HSD17B12: variants seen among roughly 807,000 people sequenced by gnomAD.
HSD17B12 encodes the protein hydroxysteroid 17-beta dehydrogenase 12, also known as very-long-chain 3-oxoacyl-CoA reductase.
HSD17B12 carries 32 observed loss-of-function variants against 39.3 expected under a neutral mutation model. The observed-to-expected ratio is 0.81, with a 90% CI of 0.61 to 1.09. The LOEUF (loss-of-function observed/expected upper bound fraction) is 1.09, where lower values mean the gene tolerates loss of function less well. Among genes scored for constraint, HSD17B12 ranks in the 50% least tolerant of loss-of-function variants. The pLI is 0.00. For synonymous variants in HSD17B12, 150 were observed against 146.7 expected, an observed-to-expected ratio of 1.02 and a Z score of -0.16; for missense variants, 342 against 382.9, an observed-to-expected ratio of 0.89 and a Z score of 0.89.
intron 1 of HSD17B12, among the ~76,000 whole-genome samples, chr11:43,750,116 G>T (rs1442438974): frequency 6.6e-6 from 1 of 151,778 alleles, no homozygotes; most frequent in Non-Finnish European, 1.5e-5. Flanking sequence ...TATACAGTAA[G>T]TATGTACTTA....
intron 6 of HSD17B12, among the ~76,000 whole-genome samples, chr11:43,828,166 G>A (rs1443147169): frequency 7.0e-6 from 1 of 142,298 alleles, no homozygotes; most frequent in Admixed American, 7.2e-5. Flanking sequence ...TTTTTGAGAC[G>A]GAGTCTCGCT....
intron 1 of HSD17B12, among the ~76,000 whole-genome samples, chr11:43,748,036 G>T (rs1590716012): frequency 6.6e-6 from 1 of 152,088 alleles, no homozygotes; most frequent in Non-Finnish European, 1.5e-5. Flanking sequence ...GGAGAAAAGT[G>T]GAAACAATTA....
chr11:43,614,304 G>A, the HSD17B12 span, among the ~76,000 whole-genome samples: 34 of 152,066 alleles, frequency 2.2e-4, 1 homozygote, highest in East Asian at 2.3e-3. Context: ...TTCTCTTTTC[G>A]TTTCAGCACT....
chr11:43,575,457 G>A, the HSD17B12 span, among the ~76,000 whole-genome samples: 1 of 152,242 alleles, frequency 6.6e-6, no homozygotes, highest in African/African-American at 2.4e-5. The surrounding 1 kb of genome is among the most constrained non-coding windows in gnomAD (Gnocchi z 4.1). Context: ...AAGGACGCGC[G>A]CGGGAGCGTG....
the HSD17B12 span, among the ~76,000 whole-genome samples, chr11:43,650,884 GTCGTGTGATGAAA>G: frequency 6.6e-6 from 1 of 152,224 alleles, no homozygotes; most frequent in East Asian, 1.9e-4. Context: ...AGCATTCTGA[GTCGTGTGATGAAA>G]TCTTACACTT....
intron 1 of HSD17B12, among the ~76,000 whole-genome samples, chr11:43,735,062 A>G (rs1373242725): frequency 6.6e-6 from 1 of 152,218 alleles, no homozygotes; most frequent in Non-Finnish European, 1.5e-5. Context: ...CATGATGTTC[A>G]TATATAAGGT....
chr11:43,786,877 A>G (rs1950819647), intron 3 of HSD17B12, among the ~76,000 whole-genome samples: 1 of 152,212 alleles, frequency 6.6e-6, no homozygotes, highest in African/African-American at 2.4e-5. Flanking sequence ...TTGGTAGAAT[A>G]TTAACTATAT....
intron 7 of HSD17B12, among the ~76,000 whole-genome samples, chr11:43,834,851 C>G (rs928284760): frequency 1.3e-5 from 2 of 151,960 alleles, no homozygotes; most frequent in Non-Finnish European, 2.9e-5. Flanking sequence ...TGAAAAGGTA[C>G]TTTCCTGTCA....
intron 3 of HSD17B12, among the ~76,000 whole-genome samples, chr11:43,790,766 CG>C (rs1457913145): frequency 1.2e-4 from 19 of 152,070 alleles, no homozygotes; most frequent in African/African-American, 4.6e-4. Flanking sequence ...CTGAGGCAGG[CG>C]GATCACCTGA....
At chr11:43,813,290 T>TA (rs200095716) in intron 4 of HSD17B12, among the ~76,000 whole-genome samples, 4 of 151,898 alleles carry the variant, frequency 2.6e-5, no homozygotes, top group Non-Finnish European at 5.9e-5. Flanking sequence ...AGATTTTTTT[T>TA]AAAAAAAATG....
At chr11:43,787,793 A>G (rs1050066340) in intron 3 of HSD17B12, among the ~76,000 whole-genome samples, 7 of 151,898 alleles carry the variant, frequency 4.6e-5, no homozygotes, top group African/African-American at 1.7e-4. Flanking sequence ...TTCAATAGCT[A>G]TTTTAAATTT....
the HSD17B12 span, among the ~76,000 whole-genome samples, chr11:43,586,626 A>T: frequency 8.7e-4 from 132 of 152,258 alleles, no homozygotes; most frequent in Middle Eastern, 3.4e-3. Flanking sequence ...CTTGTCCCCA[A>T]GATATTTTTT....
chr11:43,763,040 A>T (rs754188888), intron 3 of HSD17B12, among the ~76,000 whole-genome samples: 1 of 152,206 alleles, frequency 6.6e-6, no homozygotes, highest in Non-Finnish European at 1.5e-5. Flanking sequence ...TATGCTATGT[A>T]TCTAGTTACA....
chr11:43,651,045 A>AGATAGAAGC, the HSD17B12 span, among the ~76,000 whole-genome samples: 8 of 152,158 alleles, frequency 5.3e-5, no homozygotes, highest in Non-Finnish European at 1.0e-4. Context: ...GCTATGCATC[A>AGATAGAAGC]GATAGAAGCA....
chr11:43,736,963 A>G (rs182516957), intron 1 of HSD17B12, among the ~76,000 whole-genome samples: 76 of 152,344 alleles, frequency 5.0e-4, no homozygotes, highest in Admixed American at 1.4e-3. Flanking sequence ...TAGATTCCCA[A>G]GAGGAATACT....
the HSD17B12 span, among the ~76,000 whole-genome samples, chr11:43,671,494 T>A: frequency 6.6e-6 from 1 of 152,262 alleles, no homozygotes; most frequent in Non-Finnish European, 1.5e-5. Context: ...TTCACACGGT[T>A]TTAAACTGGT....
intron 3 of HSD17B12, among the ~76,000 whole-genome samples, chr11:43,767,038 C>G (rs1950601615): frequency 6.6e-6 from 1 of 152,150 alleles, no homozygotes; most frequent in Non-Finnish European, 1.5e-5. Flanking sequence ...AAGGCAGCTG[C>G]TTGAATGTTG....
the HSD17B12 span, among the ~76,000 whole-genome samples, chr11:43,614,092 T>A: frequency 1.3e-5 from 2 of 152,244 alleles, no homozygotes; most frequent in Non-Finnish European, 2.9e-5. Flanking sequence ...TTTAAGGAGA[T>A]CCACATATTT....
chr11:43,627,833 G>A, the HSD17B12 span, among the ~76,000 whole-genome samples: 1,664 of 151,880 alleles, frequency 0.011, 11 homozygotes, highest in South Asian at 0.023. Flanking sequence ...TATTGGTCCG[G>A]AAGTTTCTGT....
Sources: gnomAD v4.1 joint callset for allele counts (sites outside exome capture counted in the v4.1 genomes callset) on GRCh38, gnomAD v4.1.1 for gene constraint, Gnocchi (gnomAD v3.1) non-coding constraint, MANE v1.5 for transcripts, NCBI Gene and HGNC (gene_info 2026-07-23, HGNC 2026-07-21) for gene names.